PAWR: variants seen among roughly 807,000 people sequenced by gnomAD.
PAWR encodes pro-apoptotic WT1 regulator.
PAWR carries 23 observed loss-of-function variants against 32.0 expected under a neutral mutation model. That is an observed-to-expected ratio of 0.72 (90% CI 0.52 to 1.02). The LOEUF (loss-of-function observed/expected upper bound fraction) is 1.02. Ranked by LOEUF, PAWR falls within the 50% of genes least tolerant of loss-of-function variation. PAWR has a pLI of 0.00. For missense variants in PAWR, 457 were observed against 437.7 expected, an observed-to-expected ratio of 1.04 and a Z score of -0.39; for synonymous variants, 226 against 187.1, an observed-to-expected ratio of 1.21 and a Z score of -1.70.
intron 4 of PAWR, among the ~76,000 whole-genome samples, chr12:79,611,218 G>A (rs1224652407): frequency 7.0e-6 from 1 of 142,922 alleles, no homozygotes; most frequent in Non-Finnish European, 1.5e-5. Context: ...AAAACTTATA[G>A]ATATTTATAT....
At chr12:79,673,628 A>G (rs1225513030) in intron 2 of PAWR, among the ~76,000 whole-genome samples, 1 of 152,182 alleles carries the variant, frequency 6.6e-6, no homozygotes, top group African/African-American at 2.4e-5. Flanking sequence ...CTCCTCTTTC[A>G]AATTCAGTAA....
At chr12:79,639,727 G>GT (rs1876185233) in intron 2 of PAWR, among the ~76,000 whole-genome samples, 1 of 152,168 alleles carries the variant, frequency 6.6e-6, no homozygotes, top group Non-Finnish European at 1.5e-5. Flanking sequence ...TACCTTGTAT[G>GT]TTAACTGGCA....
chr12:79,628,087 C>G (rs901622026), intron 2 of PAWR, among the ~76,000 whole-genome samples: 15 of 152,132 alleles, frequency 9.9e-5, no homozygotes, highest in African/African-American at 3.6e-4. Context: ...TGTAAAAGAA[C>G]AGAAATTGTA....
chr12:79,610,991 C>T (rs947115632), intron 4 of PAWR, among the ~76,000 whole-genome samples: 8 of 150,990 alleles, frequency 5.3e-5, no homozygotes, highest in African/African-American at 1.7e-4. Context: ...AGACTGAGCA[C>T]ATAACAGACT....
intron 2 of PAWR, among the ~76,000 whole-genome samples, chr12:79,640,170 T>A (rs953193077): frequency 5.9e-5 from 9 of 152,098 alleles, no homozygotes; most frequent in African/African-American, 2.2e-4. Context: ...CCCAACATTC[T>A]GGGATTTCAG....
At chr12:79,670,141 C>A (rs891694318) in intron 2 of PAWR, among the ~76,000 whole-genome samples, 7 of 152,132 alleles carry the variant, frequency 4.6e-5, no homozygotes, top group African/African-American at 1.7e-4. Context: ...TCATTCGTTG[C>A]ACCACAGCAT....
At chr12:79,639,881 T>TATTCCTATTCCTATTCCTATTCC in intron 2 of PAWR, among the ~76,000 whole-genome samples, 104 of 112,502 alleles carry the variant, frequency 9.2e-4, no homozygotes, top group African/African-American at 5.1e-3. Context: ...TTCCTATTCC[T>TATTCCTATTCCTATTCCTATTCC]ATTCCATTCC....
At chr12:79,684,677 A>G (rs1158632029) in intron 2 of PAWR, among the ~76,000 whole-genome samples, 2 of 152,170 alleles carry the variant, frequency 1.3e-5, no homozygotes, top group Non-Finnish European at 1.5e-5. Flanking sequence ...CACTAGCTTG[A>G]TAATGATTTT....
chr12:79,644,684 T>A (rs1266587750), intron 2 of PAWR, among the ~76,000 whole-genome samples: 1 of 152,144 alleles, frequency 6.6e-6, no homozygotes, highest in African/African-American at 2.4e-5. Context: ...CATTTTCACA[T>A]AAAGTAAAAC....
At chr12:79,682,727 C>CTCAATTCTA (rs1211921056) in intron 2 of PAWR, among the ~76,000 whole-genome samples, 1 of 152,188 alleles carries the variant, frequency 6.6e-6, no homozygotes, top group African/African-American at 2.4e-5. Context: ...GTGGCTGAGG[C>CTCAATTCTA]TCAATTCTAT....
intron 2 of PAWR, among the ~76,000 whole-genome samples, chr12:79,678,518 C>A (rs1358368086): frequency 1.3e-5 from 2 of 152,228 alleles, no homozygotes; most frequent in African/African-American, 4.8e-5. Context: ...CCAAGTTCTG[C>A]CAGGATGGCC....
intron 2 of PAWR, among the ~76,000 whole-genome samples, chr12:79,634,357 G>C (rs1390740667): frequency 6.6e-6 from 1 of 152,060 alleles, no homozygotes; most frequent in Non-Finnish European, 1.5e-5. Flanking sequence ...CAAGAACTCA[G>C]ATTTTAGAAC....
At chr12:79,652,335 A>G (rs1008686098) in intron 2 of PAWR, among the ~76,000 whole-genome samples, 2 of 152,240 alleles carry the variant, frequency 1.3e-5, no homozygotes, top group Non-Finnish European at 2.9e-5. Context: ...AAACCTTTCA[A>G]CAGCATTAGT....
chr12:79,629,670 T>C (rs1485867359), intron 2 of PAWR, among the ~76,000 whole-genome samples: 3 of 152,110 alleles, frequency 2.0e-5, no homozygotes, highest in Non-Finnish European at 4.4e-5. Flanking sequence ...ATAAACTATA[T>C]GTTTGTTTTG....
intron 4 of PAWR, among the ~76,000 whole-genome samples, chr12:79,600,324 C>T (rs1042773412): frequency 6.6e-6 from 1 of 151,916 alleles, no homozygotes; most frequent in Non-Finnish European, 1.5e-5. Flanking sequence ...ATTTTGCTTC[C>T]AGGATTTAAA....
chr12:79,690,429 G>A, intron 1 of PAWR, 38 bp from the exon 2 acceptor site: 2 of 1,252,010 alleles, frequency 1.6e-6, no homozygotes, highest in South Asian at 3.9e-5. Flanking sequence ...TAAGGGAAGC[G>A]TAAGATCCCC....
chr12:79,595,711 G>A (rs140341377), intron 5 of PAWR, among the ~76,000 whole-genome samples: 1 of 152,208 alleles, frequency 6.6e-6, no homozygotes, highest in African/African-American at 2.4e-5. Flanking sequence ...AATTAGCCGG[G>A]CTTGGTGGTG....
intron 2 of PAWR, among the ~76,000 whole-genome samples, chr12:79,638,252 C>G (rs991111237): frequency 6.6e-6 from 1 of 151,852 alleles, no homozygotes; most frequent in African/African-American, 2.4e-5. Context: ...TTCACTGAAT[C>G]CTAATTAATA....
At position 79,689,914 on chromosome 12, in the gene PAWR, C is replaced by T. The variant is rs994771459; in HGVS notation, c.331G>A (p.Glu111Lys). ...AAPGPRRSEDEPPAASASAAP... is the reference protein window; with the variant it reads ...AAPGPRRSEDKPPAASASAAP... The stretch of plus-strand genomic sequence containing the variant: ...GCCGAGGCAGAGGCGGCTGGGGGCT[C>T]GTCCTCCGACCGCCGCGGGCCGGGG... The change falls in exon 2 of 7, where the codon GAG becomes AAG. Residue 111 changes from glutamate to lysine, a missense_variant. Physicochemically the swap from Glu to Lys is moderately conservative, Grantham distance 56. Coordinates refer to ENST00000328827, the MANE Select transcript of PAWR (RefSeq NM_002583.4). The T allele has an allele frequency of 4.9e-6, 7 of 1,438,624 alleles. No homozygotes were observed. The East Asian group carries it at 1.5e-4, about 30-fold the overall frequency. The allele number at this position is 1,438,624 out of a possible 1,614,324, so 89.1% of individuals were successfully genotyped here.
Sources: gnomAD v4.1 joint callset for allele counts (sites outside exome capture counted in the v4.1 genomes callset) on GRCh38, gnomAD v4.1.1 for gene constraint, MANE v1.5 for transcripts, NCBI Gene and HGNC (gene_info 2026-07-23, HGNC 2026-07-21) for gene names.